Variants in PCDHGB2 observed in about 807,000 individuals in gnomAD.
PCDHGB2 encodes protocadherin gamma subfamily B, 2.
A neutral mutation model predicts 59.3 loss-of-function variants in PCDHGB2; 55 were observed. The observed-to-expected ratio is 0.93, with a 90% CI of 0.75 to 1.16. PCDHGB2 has a LOEUF of 1.16. Ranked by LOEUF, PCDHGB2 falls within the 50% of genes most tolerant of loss-of-function variation. The probability of loss-of-function intolerance (pLI) is 0.00; values close to 1 mark genes in which losing one functional copy is unlikely to be tolerated. For synonymous variants in PCDHGB2, 516 were observed against 512.0 expected (o/e 1.01, Z -0.11); for missense variants, 1,228 against 1,198.5 (o/e 1.02, Z -0.36).
At chr5:141,457,631 G>C (rs540600166) in intron 1 of PCDHGB2, among the ~76,000 whole-genome samples, 1 of 152,282 alleles carries the variant, frequency 6.6e-6, no homozygotes, top group African/African-American at 2.4e-5. Flanking sequence ...TCTTATACTT[G>C]GCCTGATTAT....
chr5:141,377,007 T>A (rs985572001), intron 1 of PCDHGB2: 1 of 155,470 alleles, frequency 6.4e-6, no homozygotes, highest in African/African-American at 2.4e-5. Context: ...TTTTTATTGG[T>A]TGACAGGAAA....
At chr5:141,422,664 C>T (rs2096662670) in intron 1 of PCDHGB2, 4 of 1,608,458 alleles carry the variant, frequency 2.5e-6, no homozygotes, top group Non-Finnish European at 3.4e-6. Flanking sequence ...CCGCCCTCGA[C>T]CCGGACAGCA....
intron 1 of PCDHGB2, chr5:141,409,594 C>A: frequency 1.2e-6 from 2 of 1,613,900 alleles, no homozygotes; most frequent in Non-Finnish European, 1.7e-6. Flanking sequence ...TGGCCGAGAA[C>A]AACCCGCCAG....
At position 141,485,651 on chromosome 5, in the gene PCDHGB2, G is replaced by A. The variant is rs752827268; in HGVS notation, c.2422-9156G>A. The A allele has an allele frequency of 6.8e-6, 11 of 1,612,228 alleles. No individual in the cohort carries two copies. The Admixed American group carries it at 1.3e-4, about 20-fold the overall frequency. ...TTTCCCGTTGGAAAAGGCTCAGGATGCAGATGTGGGGAGCAATTCGATTAG... is the reference window on the plus strand; with the variant it reads ...TTTCCCGTTGGAAAAGGCTCAGGATACAGATGTGGGGAGCAATTCGATTAG... On this transcript the variant is annotated intron_variant, in intron 1 of 3. Transcript: ENST00000522605. This position sits in a 1 kb window ranked among gnomAD's most constrained non-coding sequence, Gnocchi z 5.7.
At chr5:141,427,450 CT>C in intron 1 of PCDHGB2, 1 of 486,442 alleles carries the variant, frequency 2.1e-6, no homozygotes, top group South Asian at 1.5e-5. Flanking sequence ...GAAAGAGTTC[CT>C]TTTAGAATCG....
chr5:141,430,705 T>C (rs914464861), intron 1 of PCDHGB2: 3 of 1,477,958 alleles, frequency 2.0e-6, no homozygotes, highest in African/African-American at 2.8e-5. Flanking sequence ...AAGGAACTGC[T>C]CCTGACTTCA....
At chr5:141,463,650 A>G (rs1206605758) in intron 1 of PCDHGB2, among the ~76,000 whole-genome samples, 1 of 151,746 alleles carries the variant, frequency 6.6e-6, no homozygotes, top group South Asian at 2.1e-4. Flanking sequence ...ACGGGGTTTC[A>G]CCGTGTTAGC....
At chr5:141,366,697 G>A in intron 1 of PCDHGB2, 1 of 1,614,250 alleles carries the variant, frequency 6.2e-7, no homozygotes, top group Non-Finnish European at 8.5e-7. Flanking sequence ...AGAAAAGCGA[G>A]CCTCTTCTGA....
chr5:141,408,338 G>C, intron 1 of PCDHGB2: 1 of 1,613,958 alleles, frequency 6.2e-7, no homozygotes, highest in Non-Finnish European at 8.5e-7. Context: ...CAAGGGCTCG[G>C]TGGTGGGGAA....
chr5:141,487,813 TG>T lies in PCDHGB2; in HGVS notation c.2422-6989del. 7.2e-7 allele frequency: 1 copy of T among 1,384,138 alleles called. No homozygotes were observed. 85.7% of individuals were successfully genotyped at this position (1,384,138 alleles called of 1,614,324 possible). A position where few individuals can be genotyped will look rare whatever the true frequency, so the allele number is the denominator to read the frequency against. On this transcript the variant is annotated intron_variant, in intron 1 of 3. Transcript: ENST00000522605. This position sits in a 1 kb window ranked among gnomAD's most constrained non-coding sequence, Gnocchi z 5.0. Reference sequence around the variant, plus strand: ...AACCAGAGTTGTCACAGTTTAGCATTGGGGGCGGGTCATGCCTATATCTGAG... The same window carrying T: ...AACCAGAGTTGTCACAGTTTAGCATTGGGGCGGGTCATGCCTATATCTGAG...
chr5:141,472,850 G>A (rs1230517294), intron 1 of PCDHGB2, among the ~76,000 whole-genome samples: 1 of 151,876 alleles, frequency 6.6e-6, no homozygotes, highest in Admixed American at 6.6e-5. Flanking sequence ...GCTGGGCATG[G>A]TGGCACATGC....
chr5:141,415,499 C>G (rs2095876120), intron 1 of PCDHGB2: 1 of 1,614,098 alleles, frequency 6.2e-7, no homozygotes, highest in Non-Finnish European at 8.5e-7. Context: ...CTGATCTTCC[C>G]CCAGCCCAAT....
intron 1 of PCDHGB2, among the ~76,000 whole-genome samples, chr5:141,448,169 A>C (rs1418273084): frequency 6.6e-6 from 1 of 152,014 alleles, no homozygotes; most frequent in Non-Finnish European, 1.5e-5. Flanking sequence ...GATCACTACT[A>C]TTCATCCCTG....
intron 1 of PCDHGB2, among the ~76,000 whole-genome samples, chr5:141,460,807 A>G (rs2098998307): frequency 6.6e-6 from 1 of 151,962 alleles, no homozygotes; most frequent in Non-Finnish European, 1.5e-5. Context: ...ATATATATGT[A>G]TGTATACATA....
intron 1 of PCDHGB2, chr5:141,400,544 A>G (rs1436586530): frequency 6.2e-7 from 1 of 1,613,568 alleles, no homozygotes; most frequent in Non-Finnish European, 8.5e-7. Flanking sequence ...ATTTATGTCT[A>G]TTCTTTTTCA....
Position 141,427,790 on chromosome 5 carries a change from C to T in PCDHGB2, c.2421+65234C>T, listed in dbSNP as rs1212280689. ...TGGAGCTGCGGGCACTGTCGTCCTACGTGTCCGTGAGCGCACAGAGCGGGG... is the reference window on the plus strand; with the variant it reads ...TGGAGCTGCGGGCACTGTCGTCCTATGTGTCCGTGAGCGCACAGAGCGGGG... On this transcript the variant is annotated intron_variant, in intron 1 of 3. Transcript: ENST00000522605. 2.0e-6 allele frequency: 3 copies of T among 1,482,108 alleles called. No homozygotes were observed. The Admixed American group carries it at 5.0e-5, about 25-fold the overall frequency. 91.8% of individuals were successfully genotyped at this position (1,482,108 alleles called of 1,614,324 possible).
chr5:141,407,505 T>TTTTTTTTTTTTTTTTTGAGACGG (rs1460306566), intron 1 of PCDHGB2, among the ~76,000 whole-genome samples: 2 of 152,146 alleles, frequency 1.3e-5, no homozygotes, highest in African/African-American at 4.8e-5. Flanking sequence ...CTGTTTTTCT[T>TTTTTTTTTTTTTTTTTGAGACGG]AGGCTATGTA....
In PCDHGB2 at chr5:141,432,545, A is replaced by G; in HGVS notation, c.2422-62262A>G. Reference sequence around the variant, plus strand: ...GGTGACCAAGGTGGTGGCGGTGGACAGAGACTCCGGCCAGAACGCCTGGCT... The same window carrying G: ...GGTGACCAAGGTGGTGGCGGTGGACGGAGACTCCGGCCAGAACGCCTGGCT... On this transcript the variant is annotated intron_variant, in intron 1 of 3. Coordinates refer to ENST00000522605, the MANE Select transcript of PCDHGB2 (RefSeq NM_018923.3). This position sits in a 1 kb window ranked among gnomAD's most constrained non-coding sequence, Gnocchi z 6.0. The G allele has an allele frequency of 1.2e-6, 2 of 1,613,876 alleles. No homozygotes were observed. Among genetic ancestry groups the G allele is most frequent in the Non-Finnish European group, 1.7e-6 (2 of 1,179,984 alleles).
At chr5:141,433,040 A>G in intron 1 of PCDHGB2, 1 of 1,614,086 alleles carries the variant, frequency 6.2e-7, no homozygotes, top group Non-Finnish European at 8.5e-7. Flanking sequence ...TTCCCTCACC[A>G]CGGACTCGCG....
Sources: gnomAD v4.1 joint callset for allele counts (sites outside exome capture counted in the v4.1 genomes callset) on GRCh38, gnomAD v4.1.1 for gene constraint, Gnocchi (gnomAD v3.1) non-coding constraint, MANE v1.5 for transcripts, NCBI Gene and HGNC (gene_info 2026-07-23, HGNC 2026-07-21) for gene names.